Variants in ATP8A2 observed in about 807,000 individuals in gnomAD.
The protein encoded by ATP8A2 is ATPase phospholipid transporting 8A2, also known as phospholipid-transporting ATPase IB.
A neutral mutation model predicts 165.6 loss-of-function variants in ATP8A2; 100 were observed. The observed-to-expected ratio is 0.60, with a 90% CI of 0.51 to 0.71. The LOEUF is 0.71. Among genes scored for constraint, ATP8A2 ranks in the 30% least tolerant of loss-of-function variants. ATP8A2 has a pLI of 0.00. For synonymous variants in ATP8A2, 543 were observed against 548.8 expected, an observed-to-expected ratio of 0.99 and a Z score of 0.15; for missense variants, 1,227 against 1,479.5, an observed-to-expected ratio of 0.83 and a Z score of 2.80.
At chr13:25,852,001 C>G (rs968138910) in intron 30 of ATP8A2, among the ~76,000 whole-genome samples, 21 of 152,096 alleles carry the variant, frequency 1.4e-4, no homozygotes, top group African/African-American at 4.8e-4. Flanking sequence ...CACCACCATG[C>G]CTGGCTTCTT....
intron 1 of ATP8A2, among the ~76,000 whole-genome samples, chr13:25,410,889 T>G (rs1262701199): frequency 1.3e-5 from 2 of 152,226 alleles, no homozygotes; most frequent in African/African-American, 2.4e-5. Context: ...CTTCCAAGTT[T>G]TCACAACCAC....
At chr13:25,659,006 T>C (rs1226435979) in intron 24 of ATP8A2, among the ~76,000 whole-genome samples, 2 of 152,138 alleles carry the variant, frequency 1.3e-5, no homozygotes, top group African/African-American at 4.8e-5. Flanking sequence ...TTGTGAAATA[T>C]TAAAGGTAGC....
chr13:25,923,355 A>G (rs1244360382), intron 33 of ATP8A2, among the ~76,000 whole-genome samples: 2 of 152,190 alleles, frequency 1.3e-5, no homozygotes, highest in Non-Finnish European at 2.9e-5. Flanking sequence ...ACCGCAAGAC[A>G]TTTGGGACAG....
intron 33 of ATP8A2, among the ~76,000 whole-genome samples, chr13:25,945,799 G>A (rs1252689578): frequency 6.6e-6 from 1 of 152,218 alleles, no homozygotes; most frequent in Non-Finnish European, 1.5e-5. Flanking sequence ...CCAGCTGGCA[G>A]GGGCTCAGAC....
At chr13:25,463,919 C>G (rs911745350) in intron 1 of ATP8A2, among the ~76,000 whole-genome samples, 7 of 152,204 alleles carry the variant, frequency 4.6e-5, no homozygotes, top group Admixed American at 1.3e-4. Flanking sequence ...CTGTTCTTCA[C>G]CTGTCCTCTT....
At chr13:25,648,865 C>T (rs1034610718) in intron 24 of ATP8A2, 3 of 361,300 alleles carry the variant, frequency 8.3e-6, no homozygotes, top group African/African-American at 2.1e-5. Flanking sequence ...TCTGAATATT[C>T]TTGATCTGCT....
intron 24 of ATP8A2, among the ~76,000 whole-genome samples, chr13:25,615,149 C>T (rs1296755694): frequency 6.6e-6 from 1 of 152,080 alleles, no homozygotes; most frequent in East Asian, 1.9e-4. Flanking sequence ...AGAGAAAGAC[C>T]ATCAGGTGAG....
At chr13:25,947,732 G>A (rs1443387642) in intron 33 of ATP8A2, among the ~76,000 whole-genome samples, 2 of 152,148 alleles carry the variant, frequency 1.3e-5, no homozygotes, top group African/African-American at 4.8e-5. Context: ...TCTTCCTGGG[G>A]CCGTGACTCA....
intron 17 of ATP8A2, 56 bp from the exon 18 acceptor site, chr13:25,571,554 C>G: frequency 7.4e-7 from 1 of 1,347,116 alleles, no homozygotes. Context: ...TGACACTAAA[C>G]AGAATTCTGT....
chr13:25,990,920 G>A (rs940711247), intron 35 of ATP8A2, among the ~76,000 whole-genome samples: 1 of 152,144 alleles, frequency 6.6e-6, no homozygotes, highest in Admixed American at 6.5e-5. Flanking sequence ...TCTGTTCCTA[G>A]CAGCCCCGTG....
chr13:25,566,675 G>A (rs2039323987), intron 16 of ATP8A2, among the ~76,000 whole-genome samples: 1 of 152,160 alleles, frequency 6.6e-6, no homozygotes, highest in Non-Finnish European at 1.5e-5. Context: ...TCCAGTAATG[G>A]GCTAGGAATA....
intron 35 of ATP8A2, among the ~76,000 whole-genome samples, chr13:25,971,527 G>A (rs1264676145): frequency 6.6e-6 from 1 of 151,842 alleles, no homozygotes; most frequent in Non-Finnish European, 1.5e-5. Flanking sequence ...GCTGATTTGT[G>A]TATCTCTCTA....
At chr13:25,770,291 A>G (rs1010000606) in intron 26 of ATP8A2, among the ~76,000 whole-genome samples, 1 of 151,996 alleles carries the variant, frequency 6.6e-6, no homozygotes, top group Non-Finnish European at 1.5e-5. Flanking sequence ...ACTGCTCCTA[A>G]GATCAGTGCT....
In ATP8A2 at chr13:25,559,036, T is replaced by G. The variant is rs768378930; in HGVS notation, c.1327T>G (p.Cys443Gly). 1 of 1,612,310 alleles carries G rather than the reference T, an allele frequency of 6.2e-7. No individual in the cohort carries two copies. The highest frequency in any genetic ancestry group is 1.1e-5 in the South Asian group (1 of 90,744). ...ATGCAATATCATGAACTTTAAGAAG[T>G]GCAGCATTGCCGGAGTAACCTATGG... ...LTCNIMNFKK[C>G]SIAGVTYGHF... The change falls in exon 14 of 37, where the codon TGC (cysteine) becomes GGC (glycine). Residue 443 changes from cysteine to glycine, a missense_variant. Around this residue, in one of 5 missense-constraint regions of ATP8A2, gnomAD observed 592 missense variants for 785.6 expected, o/e 0.75. Transcript: ENST00000381655.
intron 1 of ATP8A2, among the ~76,000 whole-genome samples, chr13:25,468,195 G>T (rs111865036): frequency 2.8e-4 from 42 of 152,204 alleles, no homozygotes; most frequent in Non-Finnish European, 5.4e-4. Flanking sequence ...ACCCAAAAAG[G>T]CTTGACCCAT....
At position 25,837,201 on chromosome 13, in the gene ATP8A2, T is replaced by C; in HGVS notation, c.2793T>C (p.Phe931=). 1 of 1,614,050 alleles carries C rather than the reference T, an allele frequency of 6.2e-7. No homozygotes were observed. Among genetic ancestry groups the C allele is most frequent in the Non-Finnish European group, 8.5e-7 (1 of 1,179,986 alleles). Reference sequence around the variant, plus strand: ...TGCCGCCCTTCACTCTGGGAATCTTTGAGAGGTCTTGCACTCAGGAGAGCA... The same window carrying C: ...TGCCGCCCTTCACTCTGGGAATCTTCGAGAGGTCTTGCACTCAGGAGAGCA... ...TALPPFTLGI[F]ERSCTQESML... Residue 931 remains phenylalanine (F), a synonymous_variant, in exon 29 of 37, where the codon TTT becomes TTC. Transcript: ENST00000381655.
rs17082299 is a variant in ATP8A2, at chr13:25,437,383, T to C, written c.77-31594T>C. On this transcript the variant is annotated intron_variant, in intron 1 of 36. Transcript: ENST00000381655. ...TTCAGAATTAATCAATTGATGGATT[T>C]GGAACAAGGTTTCCATGGTCCTGAC... Among the ~76,000 whole-genome samples, 1,293 of 152,312 alleles carry C rather than the reference T, an allele frequency of 8.5e-3. 21 individuals are homozygous for C. Among genetic ancestry groups the C allele is most frequent in the African/African-American group, 0.029 (1,197 of 41,582 alleles).
intron 27 of ATP8A2, among the ~76,000 whole-genome samples, chr13:25,799,990 C>T (rs749692402): frequency 6.6e-6 from 1 of 152,208 alleles, no homozygotes; most frequent in Admixed American, 6.5e-5. Context: ...CTACCATAAT[C>T]GTAATAACAA....
At chr13:25,788,369 C>T (rs2045084515) in intron 27 of ATP8A2, among the ~76,000 whole-genome samples, 1 of 152,200 alleles carries the variant, frequency 6.6e-6, no homozygotes, top group South Asian at 2.1e-4. Flanking sequence ...GTCTGTTGTT[C>T]CCCAACCACA....
Sources: allele counts gnomAD v4.1 joint callset (sites outside exome capture counted in the v4.1 genomes callset), GRCh38; gene constraint gnomAD v4.1.1; regional missense constraint gnomAD v4.1.1; transcripts MANE v1.5; gene names NCBI Gene and HGNC (gene_info 2026-07-23, HGNC 2026-07-21).